The following MTBP variants were observed in gnomAD, a reference collection of about 807,000 sequenced individuals.
MTBP encodes the protein MDM2 binding protein.
A neutral mutation model predicts 117.0 loss-of-function variants in MTBP; 101 were observed. The ratio of observed to expected loss-of-function variants is 0.86; its 90% CI spans 0.73 to 1.02. The LOEUF (loss-of-function observed/expected upper bound fraction) is 1.02, where lower values mean the gene tolerates loss of function less well. MTBP is among the 50% of genes least tolerant of loss of function. MTBP has a pLI of 0.00. For missense variants in MTBP, 970 were observed against 1,030.9 expected (o/e 0.94, Z 0.81); for synonymous variants, 350 against 351.5 (o/e 1.00, Z 0.05).
At chr8:120,509,238 C>G (rs1814751249) in intron 16 of MTBP, among the ~76,000 whole-genome samples, 1 of 152,118 alleles carries the variant, frequency 6.6e-6, no homozygotes, top group African/African-American at 2.4e-5. Context: ...TAATTATTCC[C>G]CTGCAGAAAA....
intron 13 of MTBP, among the ~76,000 whole-genome samples, chr8:120,495,996 T>C (rs1325524727): frequency 6.6e-6 from 1 of 152,130 alleles, no homozygotes; most frequent in Admixed American, 6.5e-5. Context: ...GAAAAATAAG[T>C]GTAAGAAATA....
chr8:120,459,611 A>G (rs1490740026), intron 8 of MTBP, among the ~76,000 whole-genome samples: 2 of 152,174 alleles, frequency 1.3e-5, no homozygotes, highest in Non-Finnish European at 2.9e-5. Context: ...GGACTTTACT[A>G]TGTGACCTTT....
rs748002914 is a variant in MTBP at position 120,497,458 on chromosome 8, C to T, written c.1513C>T (p.Leu505Phe). ...SVAELKSLLV[L>F]TRKHFLDYFD... The stretch of plus-strand genomic sequence containing the variant: ...TGCTGAACTCAAAAGTCTGTTAGTA[C>T]TCACAAGGAAACACTTTTTAGATTA... Residue 505 changes from leucine to phenylalanine, a missense_variant, in exon 14 of 22, where the codon CTC (leucine) becomes TTC (phenylalanine). Transcript: ENST00000305949. 17 of 1,608,226 alleles carry T rather than the reference C, an allele frequency of 1.1e-5. No individual in the cohort carries two copies. In the South Asian group the frequency reaches 1.7e-4, roughly 16 times the overall value.
At chr8:120,506,628 C>A in intron 15 of MTBP, 78 bp from the exon 16 acceptor site, 1 of 986,784 alleles carries the variant, frequency 1.0e-6, no homozygotes, top group Non-Finnish European at 1.4e-6. Flanking sequence ...CCCGACTGTG[C>A]TTTTTTTTTT....
At chr8:120,456,235 G>A (rs1813465414) in intron 6 of MTBP, among the ~76,000 whole-genome samples, 1 of 152,078 alleles carries the variant, frequency 6.6e-6, no homozygotes. Context: ...TTCTCTTTTT[G>A]AAGATAAGGA....
At chr8:120,521,009 C>G (rs555860010) in intron 20 of MTBP, among the ~76,000 whole-genome samples, 1 of 152,104 alleles carries the variant, frequency 6.6e-6, no homozygotes, top group South Asian at 2.1e-4. Context: ...AAAAACTAAT[C>G]TAAAATGGAA....
intron 11 of MTBP, among the ~76,000 whole-genome samples, chr8:120,485,137 C>T (rs1814183780): frequency 2.0e-5 from 3 of 152,054 alleles, no homozygotes. Context: ...AAGGTACAGG[C>T]TTAAAATTAT....
chr8:120,514,184 A>G (rs1407574405), intron 17 of MTBP, among the ~76,000 whole-genome samples: 1 of 151,986 alleles, frequency 6.6e-6, no homozygotes, highest in Non-Finnish European at 1.5e-5. Flanking sequence ...TAACATAACC[A>G]TCATCTCACA....
chr8:120,504,741 TTTAA>T (rs1814657669), intron 15 of MTBP, among the ~76,000 whole-genome samples: 2 of 152,020 alleles, frequency 1.3e-5, no homozygotes, highest in Non-Finnish European at 2.9e-5. Context: ...AAATACCTAT[TTTAA>T]TTAATATTAA....
At position 120,474,827 on chromosome 8, in the gene MTBP, A is replaced by T. The variant is rs560609443; in HGVS notation, c.1165+3890A>T. The stretch of plus-strand genomic sequence containing the variant: ...GTACCACAGAAAATAGATATTCAGA[A>T]GTTATTATAACATTGTATTTAGTAG... On this transcript the variant is annotated intron_variant, in intron 11 of 21. Transcript: ENST00000305949. 7.3e-4 allele frequency among the ~76,000 whole-genome samples: 111 copies of T among 152,146 alleles called. 1 individual carries two copies. The highest frequency in any genetic ancestry group is 2.5e-3 in the African/African-American group (106 of 41,570).
At chr8:120,521,443 G>A (rs1189527347) in intron 20 of MTBP, among the ~76,000 whole-genome samples, 1 of 152,150 alleles carries the variant, frequency 6.6e-6, no homozygotes, top group Non-Finnish European at 1.5e-5. Flanking sequence ...GAGAAGGAAG[G>A]TTTTGTGTAC....
At chr8:120,490,641 T>C in intron 13 of MTBP, 71 bp downstream of exon 13, 1 of 893,942 alleles carries the variant, frequency 1.1e-6, no homozygotes, top group Non-Finnish European at 1.7e-6. Flanking sequence ...CTACCTTTAT[T>C]TGCACACTTT....
chr8:120,472,784 A>G (rs1199379207), intron 11 of MTBP: 4 of 152,332 alleles, frequency 2.6e-5, no homozygotes, highest in African/African-American at 7.2e-5. Flanking sequence ...AGTTACAAGA[A>G]TAGTCTAAAT....
chr8:120,515,932 T>C lies in MTBP; in HGVS notation c.1987T>C (p.Leu663=), dbSNP rs746302013. The C allele has an allele frequency of 5.0e-6, 8 of 1,612,128 alleles. No individual in the cohort carries two copies. In the South Asian group the frequency reaches 6.6e-5, roughly 13 times the overall value. ...CTCTTTCACTCATTTTAGATATTGC[T>C]TGGATGACCGAAAAGCTTTGGAAAG... The part of the protein sequence containing the change: ...VCHYHGIEYC[L]DDRKALERDG... The change falls in exon 18 of 22, where the codon TTG becomes CTG. Residue 663 remains leucine (L), a synonymous_variant. Transcript: ENST00000305949.
intron 1 of MTBP, among the ~76,000 whole-genome samples, chr8:120,446,048 G>A (rs556422499): frequency 1.3e-4 from 19 of 150,040 alleles, no homozygotes; most frequent in Non-Finnish European, 2.5e-4. Flanking sequence ...AATTGTTTGC[G>A]ATTGCACTGC....
chr8:120,502,621 A>G lies in MTBP; in HGVS notation c.1727+12A>G. On this transcript the variant is annotated intron_variant, in intron 15 of 21. Coordinates refer to ENST00000305949, the MANE Select transcript of MTBP (RefSeq NM_022045.5). ...AAACAAAAAATGAGGTAATATTTGA[A>G]TCTGTAGTAAAGCATGTGATAGCTC... 1 of 1,495,830 alleles carries G rather than the reference A, an allele frequency of 6.7e-7. No homozygotes were observed. Among genetic ancestry groups the G allele is most frequent in the Non-Finnish European group, 9.2e-7 (1 of 1,083,864 alleles). 92.7% of individuals were successfully genotyped at this position (1,495,830 alleles called of 1,614,324 possible).
chr8:120,475,821 C>T (rs531938309), intron 11 of MTBP, among the ~76,000 whole-genome samples: 8 of 151,844 alleles, frequency 5.3e-5, no homozygotes, highest in African/African-American at 7.2e-5. Flanking sequence ...GCTGGCTTGC[C>T]GTGTTTACAG....
At chr8:120,450,277 G>C (rs958984383) in intron 2 of MTBP, among the ~76,000 whole-genome samples, 9 of 152,176 alleles carry the variant, frequency 5.9e-5, no homozygotes, top group Non-Finnish European at 1.3e-4. Flanking sequence ...TCTTTCCTGA[G>C]AGGATGTTAC....
At chr8:120,476,270 C>G (rs1403697147) in intron 11 of MTBP, among the ~76,000 whole-genome samples, 1 of 152,066 alleles carries the variant, frequency 6.6e-6, no homozygotes, top group Non-Finnish European at 1.5e-5. Flanking sequence ...ATAATAAGAG[C>G]TATTTATGAC....
Sources: allele counts gnomAD v4.1 joint callset (sites outside exome capture counted in the v4.1 genomes callset), GRCh38; gene constraint gnomAD v4.1.1; transcripts MANE v1.5; gene names NCBI Gene and HGNC (gene_info 2026-07-23, HGNC 2026-07-21).